UGT1A10: variants seen among roughly 807,000 people sequenced by gnomAD.
UGT1A10 encodes the protein UDP-glucuronosyltransferase 1A10.
UGT1A10 carries 49 observed loss-of-function variants against 45.8 expected under a neutral mutation model. The ratio of observed to expected loss-of-function variants is 1.07; its 90% CI spans 0.85 to 1.36. The LOEUF is 1.36. Among genes scored for constraint, UGT1A10 ranks in the 40% most tolerant of loss-of-function variants. UGT1A10 has a pLI of 0.00. For synonymous variants in UGT1A10, 284 were observed against 249.7 expected, an observed-to-expected ratio of 1.14 and a Z score of -1.29; for missense variants, 745 against 668.6, an observed-to-expected ratio of 1.11 and a Z score of -1.26.
At chr2:233,654,448 G>A in intron 1 of UGT1A10, among the ~76,000 whole-genome samples, 1 of 152,176 alleles carries the variant, frequency 6.6e-6, no homozygotes, top group East Asian at 1.9e-4. Context: ...CTGTACTCCA[G>A]CAGAGCATCA....
At chr2:233,671,799 A>T in intron 1 of UGT1A10, 1 of 1,396,000 alleles carries the variant, frequency 7.2e-7, no homozygotes, top group South Asian at 1.7e-5. Context: ...AATCATTGTC[A>T]GTGACTGATT....
At chr2:233,755,054 C>G (rs748506326) in intron 1 of UGT1A10, 13 of 1,332,706 alleles carry the variant, frequency 9.8e-6, no homozygotes, top group South Asian at 6.9e-5. Context: ...CGCCCTCCGC[C>G]CTCGCCTCGC....
Position 233,672,727 on chromosome 2 carries a change from G to A in UGT1A10, c.855+35350G>A, listed in dbSNP as rs142414435. 3.8e-5 allele frequency: 61 copies of A among 1,613,854 alleles called. No homozygotes were observed. In the African/African-American group the frequency reaches 5.9e-4, roughly 16 times the overall value. On this transcript the variant is annotated intron_variant, in intron 1 of 4. Coordinates refer to ENST00000344644, the MANE Select transcript of UGT1A10 (RefSeq NM_019075.4). ...CTTTGTTTTGGACTATCCCAAACCC[G>A]TGATGCCCAACATGATCTTCATTGG...
At position 233,730,468 on chromosome 2, in the gene UGT1A10, C is replaced by T. The variant is rs1456755301; in HGVS notation, c.856-36566C>T. ...TGATAGACAGGTGACCACAGGAGAC[C>T]TAGGCACTCACATGAAATAGAAGTG... On this transcript the variant is annotated intron_variant, in intron 1 of 4. Coordinates refer to ENST00000344644, the MANE Select transcript of UGT1A10 (RefSeq NM_019075.4). 5.3e-5 allele frequency among the ~76,000 whole-genome samples: 8 copies of T among 152,226 alleles called. No individual in the cohort carries two copies. In the East Asian group the frequency reaches 1.3e-3, roughly 26 times the overall value.
At chr2:233,737,647 C>T (rs1413488043) in intron 1 of UGT1A10, among the ~76,000 whole-genome samples, 1 of 152,204 alleles carries the variant, frequency 6.6e-6, no homozygotes, top group African/African-American at 2.4e-5. Flanking sequence ...GTCGATCATG[C>T]TGGGAGCTGC....
chr2:233,727,816 A>G (rs759645481), intron 1 of UGT1A10, among the ~76,000 whole-genome samples: 3 of 152,170 alleles, frequency 2.0e-5, no homozygotes, highest in Non-Finnish European at 4.4e-5. Context: ...GTTCTGTCCA[A>G]AGGTGGAATC....
At chr2:233,682,744 G>A (rs1213672216) in intron 1 of UGT1A10, 12 of 1,613,896 alleles carry the variant, frequency 7.4e-6, no homozygotes, top group Non-Finnish European at 9.3e-6. Flanking sequence ...TGCCCAATAT[G>A]ATCTTCATTG....
intron 1 of UGT1A10, among the ~76,000 whole-genome samples, chr2:233,678,747 C>T (rs906569876): frequency 8.9e-5 from 13 of 146,500 alleles, no homozygotes; most frequent in African/African-American, 2.9e-4. Context: ...TTGGAAAGCA[C>T]TCATCTCTAT....
chr2:233,753,368 C>G (rs1222809761), intron 1 of UGT1A10: 1 of 152,204 alleles, frequency 6.6e-6, no homozygotes, highest in Non-Finnish European at 1.5e-5. Context: ...GGGTGCCATT[C>G]CATGCAGATT....
intron 1 of UGT1A10, chr2:233,742,966 C>G: frequency 4.5e-6 from 1 of 219,782 alleles, no homozygotes; most frequent in Non-Finnish European, 9.2e-6. Context: ...TTGTCTGCCT[C>G]AGGCTTAAGT....
At chr2:233,718,662 T>C (rs2076673161) in intron 1 of UGT1A10, 13 of 1,536,316 alleles carry the variant, frequency 8.5e-6, no homozygotes, top group Admixed American at 7.8e-5. Context: ...AAGGCAGTTA[T>C]AGATTAATGG....
intron 1 of UGT1A10, chr2:233,760,552 A>C: frequency 6.2e-7 from 1 of 1,614,264 alleles, no homozygotes; most frequent in Non-Finnish European, 8.5e-7. Context: ...GGAGGATGTG[A>C]AAGAGTCTTT....
intron 1 of UGT1A10, among the ~76,000 whole-genome samples, chr2:233,661,764 A>C (rs1199758232): frequency 6.7e-6 from 1 of 148,910 alleles, no homozygotes; most frequent in Non-Finnish European, 1.5e-5. Context: ...CCTATGGTAC[A>C]TATCAAGCAA....
intron 1 of UGT1A10, among the ~76,000 whole-genome samples, chr2:233,733,971 G>T (rs927832512): frequency 6.6e-6 from 1 of 152,028 alleles, no homozygotes; most frequent in East Asian, 1.9e-4. Flanking sequence ...TAGGGGGAGC[G>T]GGGAGGGATA....
At chr2:233,687,333 A>C (rs956341340) in intron 1 of UGT1A10, among the ~76,000 whole-genome samples, 11 of 152,196 alleles carry the variant, frequency 7.2e-5, no homozygotes, top group Non-Finnish European at 1.5e-4. Context: ...TTTCCCTTGA[A>C]TGATTTAAAC....
intron 1 of UGT1A10, among the ~76,000 whole-genome samples, chr2:233,710,616 A>C (rs1449107430): frequency 1.3e-5 from 2 of 152,084 alleles, no homozygotes; most frequent in African/African-American, 4.8e-5. Flanking sequence ...TTGTCTTCTT[A>C]TATTTGAGTA....
In UGT1A10 at chr2:233,724,604, G is replaced by C. The variant is rs1340979109; in HGVS notation, c.856-42430G>C. Among the ~76,000 whole-genome samples the C allele has an allele frequency of 2.3e-5, 3 of 132,728 alleles. 1 individual carries two copies. Among genetic ancestry groups the C allele is most frequent in the Non-Finnish European group, 4.8e-5 (3 of 62,762 alleles). 87.1% of individuals were successfully genotyped at this position (132,728 alleles called of 152,430 possible). On this transcript the variant is annotated intron_variant, in intron 1 of 4. Transcript: ENST00000344644. ...GCTCCCCACATCTCAGACGATGGGCGGCCGGGCAGAGACGCTCCTCACTTC... is the reference window on the plus strand; with the variant it reads ...GCTCCCCACATCTCAGACGATGGGCCGCCGGGCAGAGACGCTCCTCACTTC...
At chr2:233,659,692 C>G (rs913508896) in intron 1 of UGT1A10, among the ~76,000 whole-genome samples, 1 of 152,136 alleles carries the variant, frequency 6.6e-6, no homozygotes, top group Non-Finnish European at 1.5e-5. Context: ...ATCATAATTA[C>G]TGTCTGACAT....
chr2:233,662,491 C>T (rs1190260841), intron 1 of UGT1A10, among the ~76,000 whole-genome samples: 2 of 152,096 alleles, frequency 1.3e-5, no homozygotes, highest in Non-Finnish European at 2.9e-5. Flanking sequence ...CTTATTGTAT[C>T]CTGCAACCAT....
Sources: gnomAD v4.1 joint callset for allele counts (sites outside exome capture counted in the v4.1 genomes callset) on GRCh38, gnomAD v4.1.1 for gene constraint, MANE v1.5 for transcripts, NCBI Gene and HGNC (gene_info 2026-07-23, HGNC 2026-07-21) for gene names.